Variants in ARID4B observed in about 807,000 individuals in gnomAD.
The protein encoded by ARID4B is AT-rich interactive domain-containing protein 4B.
Under a neutral mutation model 147.5 loss-of-function variants are expected in ARID4B, and 26 were observed. That is an observed-to-expected ratio of 0.18 (90% CI 0.13 to 0.24). ARID4B has a LOEUF of 0.24. Among genes scored for constraint, ARID4B ranks in the 10% least tolerant of loss-of-function variants. ARID4B has a pLI of 1.00. For missense variants in ARID4B, 1,179 were observed against 1,511.5 expected (o/e 0.78, Z 3.65); for synonymous variants, 512 against 507.9 (o/e 1.01, Z -0.11).
chr1:235,298,680 T>C (rs1173562556), intron 2 of ARID4B, among the ~76,000 whole-genome samples: 8 of 151,904 alleles, frequency 5.3e-5, no homozygotes, highest in Non-Finnish European at 8.8e-5. Context: ...TTTAGCAGAA[T>C]TGTATTTACA....
Position 235,246,497 on chromosome 1 carries a change from G to C in ARID4B, c.369C>G (p.Leu123=). 1 of 1,613,412 alleles carries C rather than the reference G, an allele frequency of 6.2e-7. No individual in the cohort carries two copies. The highest frequency in any genetic ancestry group is 1.1e-5 in the South Asian group (1 of 91,070). ...CAAAATGCTCAGGGTTGGTGAGTGGGAGCTGGTCTAATGTCTGTGGGTAAG... is the reference window on the plus strand; with the variant it reads ...CAAAATGCTCAGGGTTGGTGAGTGGCAGCTGGTCTAATGTCTGTGGGTAAG... ...HFAESETLDQ[L]PLTNPEHFGT... The change falls in exon 7 of 24, where the codon CTC becomes CTG. Residue 123 remains leucine, a synonymous_variant. Coordinates refer to ENST00000264183, the MANE Select transcript of ARID4B (RefSeq NM_016374.6).
chr1:235,220,678 T>C (rs1461067596), intron 14 of ARID4B, 133 bp from the exon 15 acceptor site: 3 of 761,820 alleles, frequency 3.9e-6, no homozygotes, highest in African/African-American at 1.8e-5. Flanking sequence ...TAATTTATTC[T>C]AGTTCTTTCT....
Position 235,182,688 on chromosome 1 carries a change from T to C in ARID4B, c.2231A>G (p.Asn744Ser). 2 of 1,613,846 alleles carry C rather than the reference T, an allele frequency of 1.2e-6. No homozygotes were observed. The highest frequency in any genetic ancestry group is 1.7e-6 in the Non-Finnish European group (2 of 1,179,992). Residue 744 changes from asparagine (N) to serine (S), a missense_variant, in exon 20 of 24, where the codon AAC (asparagine) becomes AGC (serine). Transcript: ENST00000264183. Reference sequence around the variant, plus strand: ...CTCCTTTGAAATAAGATCATTTCTGTTGTTGGTCAAATGATCAATCTTAGA... The same window carrying C: ...CTCCTTTGAAATAAGATCATTTCTGCTGTTGGTCAAATGATCAATCTTAGA... ...EESKIDHLTN[N>S]RNDLISKEEQ...
chr1:235,280,832 T>G lies in ARID4B; in HGVS notation c.7-20080A>C, dbSNP rs956297980. ...AAAGGTGCAAGCAAAGAAACCATGG[T>G]TTCGGAAGGATAATGTACAGAGAGG... On this transcript the variant is annotated intron_variant, in intron 2 of 23. Coordinates refer to ENST00000264183, the MANE Select transcript of ARID4B (RefSeq NM_016374.6). Among the ~76,000 whole-genome samples, 6 of 152,178 alleles carry G rather than the reference T, an allele frequency of 3.9e-5. 1 individual carries two copies. The highest frequency in any genetic ancestry group is 1.4e-4 in the African/African-American group (6 of 41,524).
chr1:235,235,699 T>C (rs1668507022), intron 8 of ARID4B, among the ~76,000 whole-genome samples: 1 of 151,992 alleles, frequency 6.6e-6, no homozygotes, highest in African/African-American at 2.4e-5. Flanking sequence ...GAAAGGGTGA[T>C]TAGAAGAGGA....
intron 17 of ARID4B, among the ~76,000 whole-genome samples, chr1:235,211,069 C>T (rs1457048969): frequency 6.6e-6 from 1 of 152,194 alleles, no homozygotes; most frequent in Non-Finnish European, 1.5e-5. Context: ...CACGGTGGCT[C>T]ATGCCTGTAG....
At chr1:235,309,168 C>T (rs1330035959) in intron 2 of ARID4B, among the ~76,000 whole-genome samples, 1 of 150,456 alleles carries the variant, frequency 6.6e-6, no homozygotes, top group Non-Finnish European at 1.5e-5. Context: ...CCGGCCGTGA[C>T]CCCGTCTGGG....
intron 17 of ARID4B, among the ~76,000 whole-genome samples, chr1:235,211,922 T>C (rs16832471): frequency 0.13 from 19,986 of 152,130 alleles, 1,523 homozygotes; most frequent in African/African-American, 0.2. Flanking sequence ...CTTTGGAATA[T>C]ATTCATTAAT....
At chr1:235,218,864 A>AT (rs67129831) in intron 16 of ARID4B, among the ~76,000 whole-genome samples, 5,423 of 128,678 alleles carry the variant, frequency 0.042, 467 homozygotes, top group African/African-American at 0.14. Flanking sequence ...ACGCTAAATG[A>AT]TTTTTTTTTT....
intron 2 of ARID4B, among the ~76,000 whole-genome samples, chr1:235,271,351 C>T (rs1236463736): frequency 2.6e-5 from 4 of 151,450 alleles, no homozygotes; most frequent in African/African-American, 4.9e-5. Flanking sequence ...AATGATAGGT[C>T]GGATGCCATG....
In ARID4B at chr1:235,231,166, A is replaced by G. The variant is rs765111535; in HGVS notation, c.689T>C (p.Val230Ala). 1 of 1,588,596 alleles carries G rather than the reference A, an allele frequency of 6.3e-7. No individual in the cohort carries two copies. The change falls in exon 10 of 24, where the codon GTC (valine) becomes GCC (alanine). Residue 230 changes from valine (V) to alanine (A), a missense_variant. By Grantham distance (64) the Val-to-Ala change is moderately conservative (BLOSUM62 0). This residue lies in a region of ARID4B where 159 missense variants were observed against 190.5 expected (regional missense o/e 0.83). Transcript: ENST00000264183. ...TGCAGTGTCACTAGTAATTTCATGG[A>G]CATCTTTTCTTGGAACTGAAGTACT... ...GKFTSVPRKD[V>A]HEITSDTAPK...
At chr1:235,320,100 C>A (rs1674717321) in intron 2 of ARID4B, among the ~76,000 whole-genome samples, 1 of 150,798 alleles carries the variant, frequency 6.6e-6, no homozygotes, top group African/African-American at 2.5e-5. Context: ...GCACTCCAAC[C>A]TGGGTAACGA....
intron 2 of ARID4B, among the ~76,000 whole-genome samples, chr1:235,271,286 T>C (rs1216963193): frequency 6.6e-6 from 1 of 151,718 alleles, no homozygotes; most frequent in East Asian, 1.9e-4. Flanking sequence ...GCCCAGGAGG[T>C]TGTGGCCGCA....
rs1663469782 is a variant in ARID4B, at chr1:235,172,883, G to C, written c.3665-119C>G. 6 of 821,350 alleles carry C rather than the reference G, an allele frequency of 7.3e-6. No individual in the cohort carries two copies. In the Admixed American group the frequency reaches 2.2e-4, roughly 30 times the overall value. The allele number at this position is 821,350 out of a possible 1,614,324, so 50.9% of individuals were successfully genotyped here. A position where few individuals can be genotyped will look rare whatever the true frequency, so the allele number is the denominator to read the frequency against. On this transcript the variant is annotated intron_variant, in intron 22 of 23. Transcript: ENST00000264183. ...TGAGGCAGATGAACTAAAAAACTAA[G>C]GCTTCTGAAATATTTGTTTTCCAAA...
intron 2 of ARID4B, among the ~76,000 whole-genome samples, chr1:235,314,411 T>A (rs1213594415): frequency 2.0e-5 from 3 of 152,210 alleles, no homozygotes; most frequent in African/African-American, 4.8e-5. Flanking sequence ...TTGAAACTGA[T>A]GTTTACTTTC....
rs369734782 is a variant in ARID4B at position 235,312,981 on chromosome 1, G to A, written c.6+13933C>T. 5.0e-3 allele frequency among the ~76,000 whole-genome samples: 387 copies of A among 78,034 alleles called. 3 individuals are homozygous for A. The highest frequency in any genetic ancestry group is 0.012 in the African/African-American group (373 of 31,896). 51.2% of individuals were successfully genotyped at this position (78,034 alleles called of 152,430 possible). A position where few individuals can be genotyped will look rare whatever the true frequency, so the allele number is the denominator to read the frequency against. Reference sequence around the variant, plus strand: ...CAGCAAGATTCTGCTTCAAGAAAAAGAAAAGAAAAGAAAAGAAAAGGGTTC... The same window carrying A: ...CAGCAAGATTCTGCTTCAAGAAAAAAAAAAGAAAAGAAAAGAAAAGGGTTC... On this transcript the variant is annotated intron_variant, in intron 2 of 23. Coordinates refer to ENST00000264183, the MANE Select transcript of ARID4B (RefSeq NM_016374.6).
intron 2 of ARID4B, among the ~76,000 whole-genome samples, chr1:235,281,614 G>A (rs1393799974): frequency 7.2e-5 from 11 of 152,112 alleles, no homozygotes; most frequent in African/African-American, 2.7e-4. Context: ...GGAGGCTGAG[G>A]TAGAAGGATC....
intron 11 of ARID4B, among the ~76,000 whole-genome samples, chr1:235,226,726 G>C (rs1249426487): frequency 1.3e-5 from 2 of 152,148 alleles, no homozygotes; most frequent in Non-Finnish European, 2.9e-5. Flanking sequence ...GTTTCACCAT[G>C]TTAGCCAGGA....
intron 2 of ARID4B, among the ~76,000 whole-genome samples, chr1:235,265,797 T>C (rs1046993444): frequency 5.9e-5 from 9 of 152,160 alleles, no homozygotes; most frequent in African/African-American, 2.2e-4. Context: ...CTAAGCCACT[T>C]AGCTAAGTGC....
Sources: allele counts gnomAD v4.1 joint callset (sites outside exome capture counted in the v4.1 genomes callset), GRCh38; gene constraint gnomAD v4.1.1; regional missense constraint gnomAD v4.1.1; transcripts MANE v1.5; gene names NCBI Gene and HGNC (gene_info 2026-07-23, HGNC 2026-07-21).